RAD54B: variants seen among roughly 807,000 people sequenced by gnomAD.
RAD54B encodes the protein DNA repair and recombination protein RAD54B.
Under a neutral mutation model 95.8 loss-of-function variants are expected in RAD54B, and 78 were observed. The ratio of observed to expected loss-of-function variants is 0.81; its 90% CI spans 0.68 to 0.98. RAD54B has a LOEUF of 0.98. Ranked by LOEUF, RAD54B falls within the 50% of genes least tolerant of loss-of-function variation. RAD54B has a pLI of 0.00. For synonymous variants in RAD54B, 328 were observed against 354.9 expected (o/e 0.92, Z 0.85); for missense variants, 957 against 1,056.6 (o/e 0.91, Z 1.31).
intron 3 of RAD54B, among the ~76,000 whole-genome samples, chr8:94,456,170 G>T: frequency 6.6e-6 from 1 of 152,122 alleles, no homozygotes; most frequent in East Asian, 1.9e-4. Flanking sequence ...CCTAAGCTTT[G>T]GGGGAAGTCA....
chr8:94,430,369 A>G, intron 3 of RAD54B: 1 of 985,102 alleles, frequency 1.0e-6, no homozygotes, highest in Non-Finnish European at 1.2e-6. Flanking sequence ...CCATCATCCA[A>G]ATTTATATCC....
chr8:94,398,985 G>A (rs920076238), intron 8 of RAD54B, among the ~76,000 whole-genome samples: 1 of 152,008 alleles, frequency 6.6e-6, no homozygotes, highest in African/African-American at 2.4e-5. Context: ...CACGTGTCAG[G>A]TAGTTTCCCA....
chr8:94,449,211 C>T (rs1165700849), intron 3 of RAD54B, among the ~76,000 whole-genome samples: 1 of 149,952 alleles, frequency 6.7e-6, no homozygotes, highest in African/African-American at 2.5e-5. Flanking sequence ...CACACACACA[C>T]ACAGACAACC....
intron 3 of RAD54B, chr8:94,427,830 T>C: frequency 1.0e-6 from 1 of 962,032 alleles, no homozygotes; most frequent in Non-Finnish European, 1.2e-6. Context: ...TAAACATGTG[T>C]ATTTAAAAGT....
At chr8:94,373,546 T>C (rs118177463) in intron 14 of RAD54B, among the ~76,000 whole-genome samples, 1,855 of 152,338 alleles carry the variant, frequency 0.012, 16 homozygotes, top group Middle Eastern at 0.048. Flanking sequence ...AAGGTCCAAA[T>C]GGATGGAAGA....
intron 3 of RAD54B, among the ~76,000 whole-genome samples, chr8:94,454,305 T>C (rs1041611573): frequency 3.3e-5 from 5 of 152,150 alleles, no homozygotes; most frequent in Non-Finnish European, 5.9e-5. Flanking sequence ...TTAATTGATC[T>C]GGGGTTTCTT....
intron 3 of RAD54B, chr8:94,432,697 G>A: frequency 7.1e-7 from 1 of 1,404,754 alleles, no homozygotes; most frequent in Non-Finnish European, 9.3e-7. Flanking sequence ...TAAATCAAAT[G>A]AAGAAAAAGT....
At chr8:94,471,267 GC>G (rs1224480380) in intron 1 of RAD54B, among the ~76,000 whole-genome samples, 1 of 118,286 alleles carries the variant, frequency 8.5e-6, no homozygotes, top group Non-Finnish European at 1.8e-5. Context: ...TTAATGGGTG[GC>G]GGGGGGGGGC....
chr8:94,428,349 A>C (rs1811996292), intron 3 of RAD54B: 1 of 981,202 alleles, frequency 1.0e-6, no homozygotes, highest in African/African-American at 1.8e-5. Context: ...TGGTGGCTTA[A>C]GTGTATAGTC....
At chr8:94,375,134 T>C (rs1436963222) in intron 14 of RAD54B, among the ~76,000 whole-genome samples, 1 of 152,168 alleles carries the variant, frequency 6.6e-6, no homozygotes, top group African/African-American at 2.4e-5. Context: ...CTATCAAAAT[T>C]ACAAATGTAC....
chr8:94,384,943 A>G (rs563425431), intron 11 of RAD54B, among the ~76,000 whole-genome samples: 10 of 152,174 alleles, frequency 6.6e-5, no homozygotes, highest in Non-Finnish European at 1.5e-4. Context: ...GTCTCTACAA[A>G]AATACAAAAA....
At chr8:94,426,283 T>C (rs954891521) in intron 3 of RAD54B, among the ~76,000 whole-genome samples, 5 of 149,446 alleles carry the variant, frequency 3.3e-5, no homozygotes, top group Non-Finnish European at 5.9e-5. Context: ...AAAAAAAAAC[T>C]CATACCCTGT....
At chr8:94,399,256 T>G (rs1811211817) in intron 8 of RAD54B, among the ~76,000 whole-genome samples, 158 bp downstream of exon 8, 1 of 152,134 alleles carries the variant, frequency 6.6e-6, no homozygotes, top group African/African-American at 2.4e-5. Context: ...CACATGGATT[T>G]GAAGATTCAG....
At chr8:94,405,775 T>C (rs1278462408) in intron 5 of RAD54B, among the ~76,000 whole-genome samples, 2 of 152,132 alleles carry the variant, frequency 1.3e-5, no homozygotes, top group Admixed American at 6.6e-5. Flanking sequence ...TATAGGATTA[T>C]AAATCACCTA....
intron 1 of RAD54B, among the ~76,000 whole-genome samples, chr8:94,468,483 A>G (rs989800154): frequency 7.3e-5 from 11 of 151,680 alleles, no homozygotes; most frequent in Non-Finnish European, 1.5e-5. Context: ...ATGAGGCCGG[A>G]GGATCCCTTG....
chr8:94,414,674 G>A (rs1238532618), intron 3 of RAD54B, among the ~76,000 whole-genome samples: 1 of 152,052 alleles, frequency 6.6e-6, no homozygotes, highest in Admixed American at 6.6e-5. Flanking sequence ...AAAGTCTCAG[G>A]ATACAAAATC....
intron 3 of RAD54B, among the ~76,000 whole-genome samples, chr8:94,440,491 C>G (rs1674603737): frequency 6.6e-6 from 1 of 152,142 alleles, no homozygotes; most frequent in African/African-American, 2.4e-5. Flanking sequence ...TGTGTAAATG[C>G]TATGAATCAC....
chr8:94,421,957 T>A (rs1374391566), intron 3 of RAD54B, among the ~76,000 whole-genome samples: 5 of 152,232 alleles, frequency 3.3e-5, no homozygotes, highest in Admixed American at 2.6e-4. Flanking sequence ...TTAAAATCCA[T>A]GAGTCCTAGT....
At chr8:94,428,422 T>C in intron 3 of RAD54B, 1 of 584,306 alleles carries the variant, frequency 1.7e-6, no homozygotes, top group Non-Finnish European at 2.2e-6. Context: ...GATCCACAGA[T>C]ACTCAAGTCC....
Sources: gnomAD v4.1 joint callset for allele counts (sites outside exome capture counted in the v4.1 genomes callset) on GRCh38, gnomAD v4.1.1 for gene constraint, MANE v1.5 for transcripts, NCBI Gene and HGNC (gene_info 2026-07-23, HGNC 2026-07-21) for gene names.